The following COX7A2L variants were observed in gnomAD, a reference collection of about 807,000 sequenced individuals.
COX7A2L encodes the protein cytochrome c oxidase subunit 7A2-like, mitochondrial.
Under a neutral mutation model 14.2 loss-of-function variants are expected in COX7A2L, and 18 were observed. The ratio of observed to expected loss-of-function variants is 1.27; its 90% CI spans 0.88 to 1.88. The LOEUF (loss-of-function observed/expected upper bound fraction) is 1.88, where lower values mean the gene tolerates loss of function less well. Among genes scored for constraint, COX7A2L ranks in the 40% most tolerant of loss-of-function variants. The pLI is 0.00. For missense variants in COX7A2L, 179 were observed against 138.8 expected (o/e 1.29, Z -1.46); for synonymous variants, 65 against 57.4 (o/e 1.13, Z -0.60).
At chr2:42,358,830 G>C (rs1018868404) in intron 1 of COX7A2L, among the ~76,000 whole-genome samples, 4 of 152,082 alleles carry the variant, frequency 2.6e-5, no homozygotes, top group African/African-American at 9.7e-5. Flanking sequence ...TTATGCTGAA[G>C]ATATATTAAA....
chr2:42,337,330 C>T (rs1214698368), intron 2 of COX7A2L, among the ~76,000 whole-genome samples: 4 of 152,178 alleles, frequency 2.6e-5, no homozygotes, highest in Non-Finnish European at 5.9e-5. Flanking sequence ...ATGGTGCTCA[C>T]GGGCATGAGC....
chr2:42,352,495 T>A (rs1007506745), intron 2 of COX7A2L, among the ~76,000 whole-genome samples: 6 of 152,156 alleles, frequency 3.9e-5, no homozygotes, highest in Non-Finnish European at 8.8e-5. Context: ...CCACCGCACC[T>A]TGAGATTCTA....
chr2:42,356,679 C>CA, intron 1 of COX7A2L, among the ~76,000 whole-genome samples: 1 of 152,306 alleles, frequency 6.6e-6, no homozygotes, highest in African/African-American at 2.4e-5. Context: ...GTGGTCCCAC[C>CA]ACTTTGGGAG....
intron 2 of COX7A2L, among the ~76,000 whole-genome samples, chr2:42,336,056 C>T (rs928673046): frequency 6.6e-6 from 1 of 152,136 alleles, no homozygotes; most frequent in African/African-American, 2.4e-5. Context: ...GTGAAGACAC[C>T]ACTCCCTTAT....
intron 2 of COX7A2L, among the ~76,000 whole-genome samples, chr2:42,337,831 C>G (rs1281045298): frequency 1.3e-5 from 2 of 152,160 alleles, no homozygotes; most frequent in Admixed American, 6.5e-5. Flanking sequence ...TACCACGAAG[C>G]CTTTTGAAAC....
chr2:42,360,888 C>T, intron 1 of COX7A2L: 4 of 624,078 alleles, frequency 6.4e-6, no homozygotes, highest in Non-Finnish European at 8.5e-6. Flanking sequence ...CCAGGCCAGC[C>T]CCCGCCAGGT....
At chr2:42,347,595 T>C (rs1670523450), downstream of COX7A2L, among the ~76,000 whole-genome samples, 1 of 152,180 alleles carries the variant, frequency 6.6e-6, no homozygotes, top group African/African-American at 2.4e-5. Context: ...GAAGGTATAC[T>C]AACTACCATT....
Position 42,361,138 on chromosome 2 carries a change from G to C in COX7A2L, c.24C>G (p.Phe8Leu), listed in dbSNP as rs1220833252. 6.2e-7 allele frequency: 1 copy of C among 1,613,784 alleles called. No individual in the cohort carries two copies. Among genetic ancestry groups the C allele is most frequent in the Admixed American group, 1.7e-5 (1 of 59,988 alleles). Residue 8 changes from phenylalanine to leucine, a missense_variant, in exon 1 of 3, where the codon TTC becomes TTG. Phe to Leu is a conservative substitution (Grantham distance 22, BLOSUM62 0). Coordinates refer to ENST00000234301, the MANE Select transcript of COX7A2L (RefSeq NM_004718.4). ...CCCATGCTCCTGCCAACTTCTGCGT[G>C]AAGCCACTAAACTTGTAGTACATGA... Reference protein sequence around the residue: MYYKFSGFTQKLAGAWAS... With the variant: MYYKFSGLTQKLAGAWAS...
At chr2:42,354,746 A>T (rs1670764377) in intron 1 of COX7A2L, among the ~76,000 whole-genome samples, 1 of 152,166 alleles carries the variant, frequency 6.6e-6, no homozygotes, top group Non-Finnish European at 1.5e-5. Flanking sequence ...GTATTCATTC[A>T]TTCAACATTT....
chr2:42,346,310 G>A (rs187464755), downstream of COX7A2L, among the ~76,000 whole-genome samples: 4 of 152,280 alleles, frequency 2.6e-5, no homozygotes, highest in East Asian at 5.8e-4. Flanking sequence ...CCTTGGACTC[G>A]AAGGCAGTCC....
At chr2:42,360,666 G>A (rs977827989) in intron 1 of COX7A2L, among the ~76,000 whole-genome samples, 2 of 151,936 alleles carry the variant, frequency 1.3e-5, no homozygotes, top group Admixed American at 1.3e-4. Flanking sequence ...ATAGCCCCGC[G>A]CTCTCTAATC....
intron 2 of COX7A2L, among the ~76,000 whole-genome samples, chr2:42,336,030 A>G (rs1192003367): frequency 6.6e-6 from 1 of 152,202 alleles, no homozygotes; most frequent in Non-Finnish European, 1.5e-5. Flanking sequence ...CTAATGTTCA[A>G]TTTAAACCTA....
At chr2:42,365,158 A>G (rs1671138277), upstream of COX7A2L, among the ~76,000 whole-genome samples, 1 of 152,260 alleles carries the variant, frequency 6.6e-6, no homozygotes, top group African/African-American at 2.4e-5. Context: ...AAATTACAGT[A>G]CACACAGTTG....
chr2:42,363,047 T>A (rs1421050216), upstream of COX7A2L, among the ~76,000 whole-genome samples: 1 of 151,846 alleles, frequency 6.6e-6, no homozygotes, highest in East Asian at 1.9e-4. Flanking sequence ...GCTAATTTTT[T>A]GTATTTTTAG....
At chr2:42,345,947 A>G (rs1670488771), downstream of COX7A2L, among the ~76,000 whole-genome samples, 4 of 152,188 alleles carry the variant, frequency 2.6e-5, no homozygotes, top group Admixed American at 2.6e-4. Context: ...TCTTCCTCTG[A>G]GTAAACAAAC....
At chr2:42,351,850 G>A (rs1670657951) in intron 2 of COX7A2L, among the ~76,000 whole-genome samples, 2 of 152,172 alleles carry the variant, frequency 1.3e-5, no homozygotes, top group Admixed American at 1.3e-4. Context: ...GTATGCACCT[G>A]TAGTCCCATT....
chr2:42,362,024 G>A (rs1203460296), upstream of COX7A2L, among the ~76,000 whole-genome samples: 2 of 152,162 alleles, frequency 1.3e-5, no homozygotes, highest in Non-Finnish European at 2.9e-5. Flanking sequence ...ATGTCACACG[G>A]TTTCTCAGAA....
Position 42,339,317 on chromosome 2 carries a change from G to T in COX7A2L, c.193-5448C>A, listed in dbSNP as rs1372219683. ...TCTCGGGCACAGGATCCCCCCAGCG[G>T]CTCTTGCTCCTCCATGTCCTGATTC... is the stretch of plus-strand genomic sequence containing the variant. On this transcript the variant is annotated intron_variant, in intron 2 of 2. Coordinates refer to the COX7A2L transcript ENST00000468711. This position sits in a 1 kb window ranked among gnomAD's most constrained non-coding sequence, Gnocchi z 5.4. 2.0e-5 allele frequency among the ~76,000 whole-genome samples: 3 copies of T among 152,162 alleles called. No homozygotes were observed. The highest frequency in any genetic ancestry group is 1.3e-4 in the Admixed American group (2 of 15,268).
At chr2:42,349,302 G>C (rs1417077163), downstream of COX7A2L, 4 of 152,164 alleles carry the variant, frequency 2.6e-5, no homozygotes, top group Non-Finnish European at 2.9e-5. Flanking sequence ...CCACAACATG[G>C]ATGAGCCTTA....
Sources: allele counts gnomAD v4.1 joint callset (sites outside exome capture counted in the v4.1 genomes callset), GRCh38; gene constraint gnomAD v4.1.1; non-coding constraint Gnocchi (gnomAD v3.1); transcripts MANE v1.5; gene names NCBI Gene and HGNC (gene_info 2026-07-23, HGNC 2026-07-21).